The following PLPPR5 variants were observed in gnomAD, a reference collection of about 807,000 sequenced individuals.
PLPPR5 encodes phospholipid phosphatase related 5.
In PLPPR5, 16 loss-of-function variants were observed where a neutral mutation model predicts 33.9. The observed-to-expected ratio is 0.47, with a 90% CI of 0.32 to 0.72. The LOEUF (loss-of-function observed/expected upper bound fraction) is 0.72, where lower values mean the gene tolerates loss of function less well. Among genes scored for constraint, PLPPR5 ranks in the 30% least tolerant of loss-of-function variants. The pLI, the probability that PLPPR5 is intolerant of heterozygous loss-of-function variation, is 0.03. For synonymous variants in PLPPR5, 163 were observed against 150.3 expected (o/e 1.08, Z -0.62); for missense variants, 301 against 406.7 (o/e 0.74, Z 2.23).
At chr1:98,978,729 C>A (rs1054170934) in intron 1 of PLPPR5, among the ~76,000 whole-genome samples, 1 of 152,082 alleles carries the variant, frequency 6.6e-6, no homozygotes, top group South Asian at 2.1e-4. Context: ...CAGCTCCCCC[C>A]ACCAGAAAAA....
At chr1:98,971,452 T>A (rs1651656927) in intron 1 of PLPPR5, among the ~76,000 whole-genome samples, 1 of 151,996 alleles carries the variant, frequency 6.6e-6, no homozygotes, top group African/African-American at 2.4e-5. Flanking sequence ...ACTTACTCAG[T>A]TTTTATCTGA....
At chr1:98,972,825 G>A (rs941595462) in intron 1 of PLPPR5, among the ~76,000 whole-genome samples, 38 of 152,064 alleles carry the variant, frequency 2.5e-4, no homozygotes, top group Non-Finnish European at 8.8e-5. Flanking sequence ...TGGGCATGGC[G>A]TGAGATTCTG....
At chr1:98,961,585 G>C (rs779634505) in intron 1 of PLPPR5, among the ~76,000 whole-genome samples, 2 of 152,168 alleles carry the variant, frequency 1.3e-5, no homozygotes, top group Non-Finnish European at 2.9e-5. Context: ...ATTGTATGCA[G>C]TTTATATTTC....
intron 3 of PLPPR5, among the ~76,000 whole-genome samples, chr1:98,935,349 G>A (rs1238759864): frequency 1.3e-5 from 2 of 152,132 alleles, no homozygotes; most frequent in Admixed American, 1.3e-4. Context: ...ATTTTTATTA[G>A]CAATCCAGGT....
intron 1 of PLPPR5, among the ~76,000 whole-genome samples, chr1:98,957,254 A>T (rs1023006569): frequency 1.3e-5 from 2 of 151,410 alleles, no homozygotes; most frequent in Non-Finnish European, 2.9e-5. Context: ...AGTTAGTGGG[A>T]GCAGCGCACC....
In PLPPR5 at chr1:99,004,684, G is replaced by C. The variant is rs746471810; in HGVS notation, c.-13C>G. 5.7e-6 allele frequency: 9 copies of C among 1,574,226 alleles called. No homozygotes were observed. In the South Asian group the frequency reaches 9.2e-5, roughly 16 times the overall value. On this transcript the variant is annotated 5_prime_UTR_variant, in exon 1 of 6. Transcript: ENST00000263177. The stretch of plus-strand genomic sequence containing the variant: ...GCAGCAGGGGCATGCACGCCTCCCG[G>C]GCCGGGCCGAGCCGAGCCGAGCGGG...
rs1052350911 is a variant in PLPPR5, at chr1:98,892,982, T to C, written c.*90A>G. On this transcript the variant is annotated 3_prime_UTR_variant, in exon 6 of 6. Transcript: ENST00000263177. ...AAAATTATTAAACAACTTTATAAACTTCACTTGCAATCAAACAAACTTTGG... is the reference window on the plus strand; with the variant it reads ...AAAATTATTAAACAACTTTATAAACCTCACTTGCAATCAAACAAACTTTGG... 95 of 1,244,322 alleles carry C rather than the reference T, an allele frequency of 7.6e-5. No individual in the cohort carries two copies. Among genetic ancestry groups the C allele is most frequent in the African/African-American group, 2.1e-4 (14 of 65,128 alleles). The allele number at this position is 1,244,322 out of a possible 1,614,324, so 77.1% of individuals were successfully genotyped here.
intron 3 of PLPPR5, among the ~76,000 whole-genome samples, chr1:98,940,237 G>A (rs1215565745): frequency 1.3e-5 from 2 of 151,800 alleles, no homozygotes. Context: ...GAGTACTGGT[G>A]TGGGCTCTAT....
intron 5 of PLPPR5, among the ~76,000 whole-genome samples, chr1:98,902,737 G>A (rs898280197): frequency 6.6e-6 from 1 of 151,988 alleles, no homozygotes; most frequent in Admixed American, 6.6e-5. Flanking sequence ...CTAATTATGT[G>A]TGCACTGGAA....
In PLPPR5 at chr1:98,946,395, G is replaced by T. The variant is rs190998953; in HGVS notation, c.621+6675C>A. 5.3e-5 allele frequency among the ~76,000 whole-genome samples: 8 copies of T among 152,254 alleles called. No homozygotes were observed. The East Asian group carries it at 1.5e-3, about 29-fold the overall frequency. ...ATTGCTTTTTAATTCAAGTCATAAA[G>T]CCTCAGGTTGGTTTACAAAGTCTTC... On this transcript the variant is annotated intron_variant, in intron 3 of 5. Transcript: ENST00000263177.
At chr1:98,947,256 A>G (rs1426441680) in intron 3 of PLPPR5, among the ~76,000 whole-genome samples, 1 of 152,204 alleles carries the variant, frequency 6.6e-6, no homozygotes, top group Non-Finnish European at 1.5e-5. Flanking sequence ...ACACTAAGTC[A>G]TTTGGCAACA....
intron 3 of PLPPR5, among the ~76,000 whole-genome samples, chr1:98,946,182 C>T (rs434125): frequency 0.78 from 118,397 of 152,076 alleles, 46,355 homozygotes; most frequent in East Asian, 0.93. Context: ...AGCTTTCCCT[C>T]GCCTTTAGTT....
At chr1:98,904,155 G>C (rs1648806040) in intron 5 of PLPPR5, among the ~76,000 whole-genome samples, 1 of 151,976 alleles carries the variant, frequency 6.6e-6, no homozygotes, top group Admixed American at 6.6e-5. Context: ...GTTAAAAGGG[G>C]TGTGCTTTTA....
At chr1:98,945,259 TAATC>T (rs1557678923) in intron 3 of PLPPR5, among the ~76,000 whole-genome samples, 1 of 152,210 alleles carries the variant, frequency 6.6e-6, no homozygotes, top group African/African-American at 2.4e-5. Flanking sequence ...TAAAATCCAA[TAATC>T]AAGACTATCT....
At chr1:98,943,178 C>T (rs1040077321) in intron 3 of PLPPR5, among the ~76,000 whole-genome samples, 3 of 152,148 alleles carry the variant, frequency 2.0e-5, no homozygotes, top group African/African-American at 7.2e-5. Context: ...GAATGTATGA[C>T]ATGAGGGTGG....
intron 3 of PLPPR5, among the ~76,000 whole-genome samples, chr1:98,936,487 G>T (rs1650172609): frequency 6.6e-6 from 1 of 152,266 alleles, no homozygotes; most frequent in Non-Finnish European, 1.5e-5. Flanking sequence ...ACTCAGAATT[G>T]TTTACTGGTG....
At chr1:98,907,201 T>C (rs1344936757) in intron 5 of PLPPR5, among the ~76,000 whole-genome samples, 1 of 130,328 alleles carries the variant, frequency 7.7e-6, no homozygotes, top group African/African-American at 3.1e-5. Flanking sequence ...TTTATTGTAA[T>C]CCTTTTTTTT....
intron 5 of PLPPR5, among the ~76,000 whole-genome samples, chr1:98,893,757 A>G (rs1417152893): frequency 6.6e-6 from 1 of 151,394 alleles, no homozygotes; most frequent in East Asian, 1.9e-4. Context: ...AAAAACTACT[A>G]TTACATAATT....
chr1:98,985,214 G>T (rs1652212045), intron 1 of PLPPR5, among the ~76,000 whole-genome samples: 1 of 151,936 alleles, frequency 6.6e-6, no homozygotes, highest in African/African-American at 2.4e-5. Context: ...GAACATCCTA[G>T]GGAGAGGATT....
Sources: allele counts gnomAD v4.1 joint callset (sites outside exome capture counted in the v4.1 genomes callset), GRCh38; gene constraint gnomAD v4.1.1; transcripts MANE v1.5; gene names NCBI Gene and HGNC (gene_info 2026-07-23, HGNC 2026-07-21).